Variants in REC114 observed in about 807,000 individuals in gnomAD.
The protein encoded by REC114 is meiotic recombination protein REC114.
In REC114, 27 loss-of-function variants were observed where a neutral mutation model predicts 31.3. That is an observed-to-expected ratio of 0.86 (90% confidence interval 0.64 to 1.19). The LOEUF (loss-of-function observed/expected upper bound fraction) is 1.19. Ranked by LOEUF, REC114 falls within the 50% of genes most tolerant of loss-of-function variation. REC114 has a pLI of 0.00. For synonymous variants in REC114, 134 were observed against 127.7 expected (o/e 1.05, Z -0.33); for missense variants, 344 against 326.9 (o/e 1.05, Z -0.40).
chr15:73,542,946 C>CTTT (rs199804904), intron 3 of REC114, among the ~76,000 whole-genome samples: 60 of 138,156 alleles, frequency 4.3e-4, no homozygotes, highest in African/African-American at 1.4e-3. Flanking sequence ...GAAGTATACA[C>CTTT]TTTTTTTTTT....
intron 2 of REC114, among the ~76,000 whole-genome samples, chr15:73,475,997 G>C: frequency 6.6e-6 from 1 of 152,130 alleles, no homozygotes; most frequent in East Asian, 1.9e-4. Flanking sequence ...ACAGGGTTCA[G>C]TACGGTAACA....
At chr15:73,485,984 A>G (rs1288414698) in intron 2 of REC114, among the ~76,000 whole-genome samples, 1 of 152,244 alleles carries the variant, frequency 6.6e-6, no homozygotes, top group East Asian at 1.9e-4. Flanking sequence ...TTACTGTTCT[A>G]CGTTTATACT....
At chr15:73,524,629 A>T (rs1484941830) in intron 2 of REC114, among the ~76,000 whole-genome samples, 2 of 151,914 alleles carry the variant, frequency 1.3e-5, no homozygotes, top group African/African-American at 4.8e-5. Flanking sequence ...ACAGAGTCTC[A>T]CTCTGTTGCC....
In REC114 at chr15:73,493,070, G is replaced by A. The variant is rs28698599; in HGVS notation, c.249+19149G>A. Among the ~76,000 whole-genome samples the A allele has an allele frequency of 1.2e-3, 185 of 151,756 alleles. 1 individual carries two copies. Among genetic ancestry groups the A allele is most frequent in the African/African-American group, 4.2e-3 (174 of 41,364 alleles). ...CTCACTCTGACACTCTGGCTGGAGT[G>A]CAGTGGTGTGATCACTGCTGACTGC... On this transcript the variant is annotated intron_variant, in intron 2 of 5. Transcript: ENST00000331090.
rs1893873792 is a variant in REC114 at position 73,517,447 on chromosome 15, A to G, written c.250-23038A>G. Among the ~76,000 whole-genome samples, 6 of 152,250 alleles carry G rather than the reference A, an allele frequency of 3.9e-5. No individual in the cohort carries two copies. The South Asian group carries it at 1.2e-3, about 32-fold the overall frequency. On this transcript the variant is annotated intron_variant, in intron 2 of 5. Transcript: ENST00000331090. ...AATAAAGAAGATGACAGCTTGGACT[A>G]CAATGGAATAGATTTATTTAAAAGA...
intron 1 of REC114, 81 bp downstream of exon 1, chr15:73,443,425 C>T (rs1432544400): frequency 3.5e-6 from 5 of 1,429,266 alleles, no homozygotes; most frequent in Non-Finnish European, 3.7e-6. Context: ...TGGGCCAGTG[C>T]CCCGAAAGCA....
intron 2 of REC114, among the ~76,000 whole-genome samples, chr15:73,490,725 C>T (rs1893430165): frequency 6.6e-6 from 1 of 152,058 alleles, no homozygotes. Context: ...ATATAATATA[C>T]TCACTGAGTT....
At chr15:73,544,435 T>C (rs539500879) in intron 3 of REC114, among the ~76,000 whole-genome samples, 3 of 152,336 alleles carry the variant, frequency 2.0e-5, no homozygotes, top group South Asian at 4.1e-4. Context: ...CAATTTAATA[T>C]AAATTCTATG....
intron 2 of REC114, among the ~76,000 whole-genome samples, chr15:73,491,387 T>A (rs1893444536): frequency 6.6e-6 from 1 of 150,832 alleles, no homozygotes; most frequent in Non-Finnish European, 1.5e-5. Context: ...TTATCTTAAT[T>A]TCTCAATTTG....
chr15:73,524,496 C>T (rs1008543461), intron 2 of REC114, among the ~76,000 whole-genome samples: 4 of 152,208 alleles, frequency 2.6e-5, no homozygotes, highest in Non-Finnish European at 5.9e-5. Flanking sequence ...GTTCAGCTTA[C>T]ACAATTCTGA....
chr15:73,500,323 G>A (rs562087539), intron 2 of REC114, among the ~76,000 whole-genome samples: 54 of 144,426 alleles, frequency 3.7e-4, no homozygotes, highest in African/African-American at 1.2e-3. Context: ...CCCACTTGCT[G>A]TCACCCTTTC....
chr15:73,477,871 T>C (rs1470046295), intron 2 of REC114, among the ~76,000 whole-genome samples: 2 of 152,318 alleles, frequency 1.3e-5, no homozygotes, highest in East Asian at 3.9e-4. Context: ...CAATGTGGTA[T>C]TGATAAAAAT....
chr15:73,526,380 T>A (rs1298115682), intron 2 of REC114, among the ~76,000 whole-genome samples: 1 of 152,216 alleles, frequency 6.6e-6, no homozygotes, highest in Non-Finnish European at 1.5e-5. Context: ...TTTTGTTTGT[T>A]TCTTTTTCCC....
chr15:73,449,811 C>A lies in REC114; in HGVS notation c.159+6467C>A, dbSNP rs185347650. ...TAATAGCAGATCTTTCGGCAGAACC[C>A]CTACAATCCAGAAGAAAGTGAGGGC... On this transcript the variant is annotated intron_variant, in intron 1 of 5. Transcript: ENST00000331090. Among the ~76,000 whole-genome samples, 45 of 152,264 alleles carry A rather than the reference C, an allele frequency of 3.0e-4. 1 individual carries two copies. Among genetic ancestry groups the A allele is most frequent in the Middle Eastern group, 3.4e-3 (1 of 294 alleles).
chr15:73,544,359 T>C (rs1894281018), intron 3 of REC114, among the ~76,000 whole-genome samples: 2 of 152,198 alleles, frequency 1.3e-5, no homozygotes, highest in South Asian at 4.1e-4. Context: ...AGTTTTCAAG[T>C]ATTATGCCAA....
chr15:73,472,069 A>T (rs1386307584), intron 1 of REC114, among the ~76,000 whole-genome samples: 1 of 152,186 alleles, frequency 6.6e-6, no homozygotes, highest in Non-Finnish European at 1.5e-5. Context: ...GTCATTGTTC[A>T]TTGAGCTGTA....
At chr15:73,530,912 T>C (rs923342307) in intron 2 of REC114, among the ~76,000 whole-genome samples, 1 of 152,268 alleles carries the variant, frequency 6.6e-6, no homozygotes, top group South Asian at 2.1e-4. Context: ...TTTGGTGTTC[T>C]GGGCCTGGGG....
chr15:73,532,861 AAG>A (rs1223733452), intron 2 of REC114, among the ~76,000 whole-genome samples: 3 of 151,362 alleles, frequency 2.0e-5, no homozygotes, highest in Non-Finnish European at 3.0e-5. Flanking sequence ...TACAAGCCAG[AAG>A]AGAGTGGGGG....
intron 2 of REC114, among the ~76,000 whole-genome samples, chr15:73,531,348 T>TC (rs1045400796): frequency 7.2e-4 from 110 of 152,312 alleles, no homozygotes; most frequent in African/African-American, 2.6e-3. Context: ...GGTACTTTTC[T>TC]CCCTTTCGTT....
Sources: allele counts gnomAD v4.1 joint callset (sites outside exome capture counted in the v4.1 genomes callset), GRCh38; gene constraint gnomAD v4.1.1; transcripts MANE v1.5; gene names NCBI Gene and HGNC (gene_info 2026-07-23, HGNC 2026-07-21).